Variants in VPS39 observed in about 807,000 individuals in gnomAD.
VPS39 encodes vam6/Vps39-like protein.
Under a neutral mutation model 121.0 loss-of-function variants are expected in VPS39, and 70 were observed. That is an observed-to-expected ratio of 0.58 (90% CI 0.48 to 0.71). The LOEUF is 0.71. VPS39 is among the 30% of genes least tolerant of loss of function. The pLI is 0.00. For synonymous variants in VPS39, 378 were observed against 398.1 expected, an observed-to-expected ratio of 0.95 and a Z score of 0.60; for missense variants, 818 against 1,051.5, an observed-to-expected ratio of 0.78 and a Z score of 3.07.
intron 1 of VPS39, among the ~76,000 whole-genome samples, chr15:42,202,395 A>T (rs1053455736): frequency 1.3e-5 from 2 of 152,250 alleles, no homozygotes; most frequent in Admixed American, 6.5e-5. Flanking sequence ...CTGCAGCAGA[A>T]CATGAAAAAA....
intron 8 of VPS39, among the ~76,000 whole-genome samples, chr15:42,184,005 T>C (rs80294272): frequency 0.019 from 2,362 of 126,452 alleles, 69 homozygotes; most frequent in African/African-American, 0.07. Context: ...ATGCGTAGAA[T>C]AGAGGCTGAC....
At chr15:42,194,589 T>C (rs989928101) in intron 2 of VPS39, among the ~76,000 whole-genome samples, 2 of 152,092 alleles carry the variant, frequency 1.3e-5, no homozygotes, top group African/African-American at 4.8e-5. Flanking sequence ...AAAAACTATC[T>C]GGGCATGCTG....
At chr15:42,163,493 A>G in intron 20 of VPS39, 98 bp from the exon 21 acceptor site, 3 of 1,573,918 alleles carry the variant, frequency 1.9e-6, no homozygotes, top group Non-Finnish European at 1.7e-6. Context: ...AACCACAGCC[A>G]AAACTGCGGG....
chr15:42,207,303 C>T (rs2050194111), intron 1 of VPS39, among the ~76,000 whole-genome samples: 1 of 152,134 alleles, frequency 6.6e-6, no homozygotes, highest in Non-Finnish European at 1.5e-5. Flanking sequence ...GAAATGATTT[C>T]CTTGGTCTTT....
chr15:42,199,182 AAG>A (rs1241908761), intron 2 of VPS39, among the ~76,000 whole-genome samples: 1 of 152,192 alleles, frequency 6.6e-6, no homozygotes, highest in Non-Finnish European at 1.5e-5. Flanking sequence ...ATTCTCCATA[AAG>A]AGAGCACAGA....
intron 11 of VPS39, among the ~76,000 whole-genome samples, chr15:42,170,313 T>G (rs2049322795): frequency 6.6e-6 from 1 of 152,166 alleles, no homozygotes; most frequent in African/African-American, 2.4e-5. Flanking sequence ...ATTACAAGAC[T>G]GGGCAGCATA....
intron 5 of VPS39, among the ~76,000 whole-genome samples, chr15:42,188,894 AG>A (rs1159006846): frequency 6.6e-6 from 1 of 151,572 alleles, no homozygotes; most frequent in Non-Finnish European, 1.5e-5. Context: ...TGAGCCCGAG[AG>A]GCAGGGGTTG....
At chr15:42,189,082 A>T (rs377311718) in intron 5 of VPS39, 32 bp downstream of exon 5, 1 of 1,548,078 alleles carries the variant, frequency 6.5e-7, no homozygotes, top group African/African-American at 1.4e-5. Context: ...TGATTAAAGC[A>T]TAAAGCCAAA....
intron 14 of VPS39, 49 bp downstream of exon 14, chr15:42,166,723 C>A (rs751188467): frequency 6.2e-7 from 1 of 1,613,886 alleles, no homozygotes; most frequent in East Asian, 2.2e-5. Flanking sequence ...GTGGGTTTCC[C>A]CTGCCATGTA....
chr15:42,161,810 G>T (rs187923034), intron 23 of VPS39, 37 bp from the exon 24 acceptor site: 183 of 1,610,250 alleles, frequency 1.1e-4, no homozygotes, highest in Admixed American at 4.0e-4. Context: ...AAGTTCTACA[G>T]TGTGGCACCC....
In VPS39 at chr15:42,165,732, C is replaced by A. The variant is rs770529523; in HGVS notation, c.1765G>T (p.Ala589Ser). The change falls in exon 17 of 25, where the codon GCT (alanine) becomes TCT (serine). Residue 589 changes from alanine (A) to serine (S), a missense_variant. Coordinates refer to ENST00000318006, the MANE Select transcript of VPS39 (RefSeq NM_015289.5). ...AAATACCTTACCAGATAAGGAATAG[C>A]CAGACCCTTAAAATTCTCTATTAAG... is the stretch of plus-strand genomic sequence containing the variant. ...GFLIENFKGL[A>S]IPYLEHIIHV... The A allele has an allele frequency of 6.2e-6, 10 of 1,614,014 alleles. No homozygotes were observed. In the East Asian group the frequency reaches 2.0e-4, roughly 32 times the overall value.
chr15:42,207,436 A>G (rs1056269546), intron 1 of VPS39, among the ~76,000 whole-genome samples: 2 of 152,148 alleles, frequency 1.3e-5, no homozygotes, highest in African/African-American at 2.4e-5. Context: ...GCACTAGTCA[A>G]TCCCAAAAGG....
intron 2 of VPS39, among the ~76,000 whole-genome samples, chr15:42,196,894 G>A (rs1308708562): frequency 1.3e-5 from 2 of 151,926 alleles, no homozygotes; most frequent in African/African-American, 4.8e-5. Context: ...ATGCAGCACT[G>A]TTCACAAGAG....
intron 1 of VPS39, among the ~76,000 whole-genome samples, chr15:42,202,218 T>C (rs1337993934): frequency 6.6e-6 from 1 of 152,162 alleles, no homozygotes; most frequent in Non-Finnish European, 1.5e-5. Context: ...ACATTCCTTA[T>C]CCAAAGGATC....
chr15:42,160,584 C>A lies in VPS39; in HGVS notation c.*170G>T. 1 of 640,056 alleles carries A rather than the reference C, an allele frequency of 1.6e-6. No homozygotes were observed. The allele number at this position is 640,056 out of a possible 1,614,324, so 39.6% of individuals were successfully genotyped here. A position where few individuals can be genotyped will look rare whatever the true frequency, so the allele number is the denominator to read the frequency against. The stretch of plus-strand genomic sequence containing the variant: ...TTTTCCCATTAAAAAGCTGGCAATG[C>A]CAGACCATGAGTCTAATTAATTCAG... On this transcript the variant is annotated 3_prime_UTR_variant, in exon 25 of 25. Transcript: ENST00000318006.
At chr15:42,168,651 C>T (rs1443056605) in intron 12 of VPS39, among the ~76,000 whole-genome samples, 1 of 151,080 alleles carries the variant, frequency 6.6e-6, no homozygotes, top group Non-Finnish European at 1.5e-5. Flanking sequence ...TCAAGCAATT[C>T]TCCTGCCTCA....
In VPS39 at chr15:42,163,395, C is replaced by T. The variant is rs1362762052; in HGVS notation, c.2130G>A (p.Glu710=). ...TTCGGTCATAGTGTTTGTGGCAGTA[C>T]CTGCAAGGGAGAGAGTGGTGAGAGC... ...HILKDTRMAE[E]YCHKHYDRNK... is the part of the protein sequence containing the mutation. Residue 710 remains glutamate (E), a splice_region_variant and synonymous_variant, in exon 21 of 25, where the codon GAG becomes GAA. Transcript: ENST00000318006. 1 of 1,614,168 alleles carries T rather than the reference C, an allele frequency of 6.2e-7. No homozygotes were observed. Among genetic ancestry groups the T allele is most frequent in the Non-Finnish European group, 8.5e-7 (1 of 1,180,026 alleles).
At chr15:42,207,732 G>A (rs148877693) in intron 1 of VPS39, among the ~76,000 whole-genome samples, 2 of 152,214 alleles carry the variant, frequency 1.3e-5, no homozygotes, top group African/African-American at 4.8e-5. Context: ...GGCAGGCTGA[G>A]AACTTCTTAC....
chr15:42,182,157 C>T (rs181320420), intron 8 of VPS39, among the ~76,000 whole-genome samples: 9 of 152,262 alleles, frequency 5.9e-5, no homozygotes, highest in African/African-American at 9.6e-5. Context: ...TCATTTTGAA[C>T]GCTACTGCTA....
Sources: gnomAD v4.1 joint callset for allele counts (sites outside exome capture counted in the v4.1 genomes callset) on GRCh38, gnomAD v4.1.1 for gene constraint, MANE v1.5 for transcripts, NCBI Gene and HGNC (gene_info 2026-07-23, HGNC 2026-07-21) for gene names.